Variants in PLXNA4 observed in about 807,000 individuals in gnomAD.
PLXNA4 encodes plexin-A4.
A neutral mutation model predicts 191.8 loss-of-function variants in PLXNA4; 44 were observed. The observed-to-expected ratio is 0.23, with a 90% CI of 0.18 to 0.29. PLXNA4 has a LOEUF of 0.29. PLXNA4 is among the 10% of genes least tolerant of loss of function. The pLI is 1.00. For synonymous variants in PLXNA4, 1,082 were observed against 1,009.5 expected (o/e 1.07, Z -1.36); for missense variants, 1,800 against 2,488.8 (o/e 0.72, Z 5.89).
chr7:132,611,466 C>T (rs537761449), intron 2 of PLXNA4, among the ~76,000 whole-genome samples: 20 of 152,308 alleles, frequency 1.3e-4, no homozygotes, highest in African/African-American at 4.3e-4. Context: ...GGGCCAAGCC[C>T]GGTGCACACT....
At chr7:132,576,481 C>T, upstream of PLXNA4, 1 of 985,470 alleles carries the variant, frequency 1.0e-6, no homozygotes, top group Middle Eastern at 5.2e-4. This position sits in a 1 kb window ranked among gnomAD's most constrained non-coding sequence, Gnocchi z 5.8. Flanking sequence ...GCAGATGGAG[C>T]CTATGCCGCT....
intron 3 of PLXNA4, among the ~76,000 whole-genome samples, chr7:132,463,984 G>A (rs1168730544): frequency 6.6e-6 from 1 of 152,182 alleles, no homozygotes; most frequent in African/African-American, 2.4e-5. Context: ...AGGAAACCAG[G>A]GCTGGCTGTC....
intron 1 of PLXNA4, among the ~76,000 whole-genome samples, chr7:132,511,098 C>T (rs1798696252): frequency 6.6e-6 from 1 of 152,326 alleles, no homozygotes. Flanking sequence ...TGCTCGTCAA[C>T]ACATTCACAG....
At chr7:132,626,482 GT>G (rs571199986) in intron 2 of PLXNA4, among the ~76,000 whole-genome samples, 46 of 152,278 alleles carry the variant, frequency 3.0e-4, no homozygotes, top group African/African-American at 1.0e-3. Flanking sequence ...TTCATGAGTG[GT>G]TTAGCACCAT....
intron 3 of PLXNA4, among the ~76,000 whole-genome samples, chr7:132,475,070 C>T (rs1797073896): frequency 6.6e-6 from 1 of 152,146 alleles, no homozygotes; most frequent in Non-Finnish European, 1.5e-5. Flanking sequence ...TCCTGGATGT[C>T]GGTTCCAAGA....
At chr7:132,640,756 C>CTATTGACCTTGTGACATAGA (rs1563201665) in intron 2 of PLXNA4, among the ~76,000 whole-genome samples, 2 of 145,540 alleles carry the variant, frequency 1.4e-5, no homozygotes, top group Admixed American at 7.0e-5. Context: ...TTGTGACACA[C>CTATTGACCTTGTGACATAGA]CATTGTCTTA....
chr7:132,226,927 C>T (rs186338959), intron 7 of PLXNA4, among the ~76,000 whole-genome samples: 1 of 152,382 alleles, frequency 6.6e-6, no homozygotes, highest in Non-Finnish European at 1.5e-5. Context: ...TCAATCTGCC[C>T]AGGCTGGGCC....
At chr7:132,404,705 G>A (rs902316881) in intron 3 of PLXNA4, among the ~76,000 whole-genome samples, 1 of 152,216 alleles carries the variant, frequency 6.6e-6, no homozygotes, top group African/African-American at 2.4e-5. Flanking sequence ...TAAAGGGGGT[G>A]ATAGTAACAG....
intron 4 of PLXNA4, among the ~76,000 whole-genome samples, chr7:132,278,402 C>T (rs548285159): frequency 3.4e-4 from 51 of 152,188 alleles, no homozygotes; most frequent in Admixed American, 5.9e-4. Context: ...CTGTCTCTAA[C>T]CAGTATGTCT....
intron 2 of PLXNA4, among the ~76,000 whole-genome samples, chr7:132,618,284 C>G (rs1803193849): frequency 6.6e-6 from 1 of 152,172 alleles, no homozygotes; most frequent in African/African-American, 2.4e-5. Context: ...TCACCATGGC[C>G]CATGAACTCC....
intron 9 of PLXNA4, among the ~76,000 whole-genome samples, chr7:132,216,986 G>A (rs914772403): frequency 2.6e-5 from 4 of 152,146 alleles, no homozygotes; most frequent in East Asian, 1.9e-4. Context: ...CAACTCCCTC[G>A]GAGGCTGTTT....
chr7:132,549,640 T>C (rs772324306), intron 1 of PLXNA4, among the ~76,000 whole-genome samples: 1 of 152,198 alleles, frequency 6.6e-6, no homozygotes, highest in Non-Finnish European at 1.5e-5. Context: ...GTCATTTCCC[T>C]GAGTCATTAC....
At chr7:132,399,375 G>A (rs1793892881) in intron 3 of PLXNA4, among the ~76,000 whole-genome samples, 1 of 152,190 alleles carries the variant, frequency 6.6e-6, no homozygotes, top group Admixed American at 6.5e-5. Flanking sequence ...CATTTATTTT[G>A]TGCCAAGCAC....
At chr7:132,485,665 A>C (rs963238792) in intron 3 of PLXNA4, among the ~76,000 whole-genome samples, 1 of 152,190 alleles carries the variant, frequency 6.6e-6, no homozygotes, top group Non-Finnish European at 1.5e-5. Flanking sequence ...AAATGTTAAC[A>C]GTCTGTAGGT....
intron 4 of PLXNA4, among the ~76,000 whole-genome samples, chr7:132,277,259 T>C (rs1257693384): frequency 6.6e-6 from 1 of 152,148 alleles, no homozygotes; most frequent in Admixed American, 6.5e-5. Flanking sequence ...AGGCTCCAAT[T>C]GGGAATTTTT....
At position 132,195,134 on chromosome 7, in the gene PLXNA4, T is replaced by C. The variant is rs574235584; in HGVS notation, c.2739-955A>G. ...ATGAACATAAATGTGTTTTTACATA[T>C]ATACAATTACACTTATAAACATGCA... On this transcript the variant is annotated intron_variant, in intron 13 of 31. Coordinates refer to ENST00000321063, the MANE Select transcript of PLXNA4 (RefSeq NM_020911.2). Among the ~76,000 whole-genome samples the C allele has an allele frequency of 3.9e-5, 6 of 152,324 alleles. No homozygotes were observed. The East Asian group carries it at 1.2e-3, about 29-fold the overall frequency.
chr7:132,342,872 G>A (rs554790962), intron 3 of PLXNA4, among the ~76,000 whole-genome samples: 30 of 150,410 alleles, frequency 2.0e-4, no homozygotes, highest in Non-Finnish European at 3.0e-4. Flanking sequence ...GTTTGAATCC[G>A]GGAGGTGGAG....
chr7:132,153,861 C>T (rs1795715460), intron 25 of PLXNA4, among the ~76,000 whole-genome samples: 1 of 152,202 alleles, frequency 6.6e-6, no homozygotes, highest in Non-Finnish European at 1.5e-5. Flanking sequence ...GCACCTTTTC[C>T]ACCAGGCTGG....
At chr7:132,589,089 T>C (rs1009153025) in intron 2 of PLXNA4, among the ~76,000 whole-genome samples, 1 of 152,230 alleles carries the variant, frequency 6.6e-6, no homozygotes, top group South Asian at 2.1e-4. Flanking sequence ...GAATCATCCA[T>C]TGAAAAAAAC....
Sources: allele counts gnomAD v4.1 joint callset (sites outside exome capture counted in the v4.1 genomes callset), GRCh38; gene constraint gnomAD v4.1.1; non-coding constraint Gnocchi (gnomAD v3.1); transcripts MANE v1.5; gene names NCBI Gene and HGNC (gene_info 2026-07-23, HGNC 2026-07-21).